The following TRPM3 variants were observed in gnomAD, a reference collection of about 807,000 sequenced individuals.
TRPM3 encodes long transient receptor potential channel 3.
Under a neutral mutation model 181.2 loss-of-function variants are expected in TRPM3, and 77 were observed. That is an observed-to-expected ratio of 0.42 (90% CI 0.35 to 0.51). TRPM3 has a LOEUF of 0.51. TRPM3 is among the 20% of genes least tolerant of loss of function. TRPM3 has a pLI of 0.01. For missense variants in TRPM3, 1,759 were observed against 2,196.7 expected, an observed-to-expected ratio of 0.80 and a Z score of 3.98; for synonymous variants, 745 against 796.4, an observed-to-expected ratio of 0.94 and a Z score of 1.09.
At chr9:71,420,647 A>AAC (rs2093716373) in intron 1 of TRPM3, among the ~76,000 whole-genome samples, 1 of 100,414 alleles carries the variant, frequency 1.0e-5, no homozygotes, top group African/African-American at 2.9e-5. Context: ...AAGAGAGAGA[A>AAC]AGAGAAAGAA....
chr9:70,861,640 A>AATCCC (rs1165234462), intron 3 of TRPM3, among the ~76,000 whole-genome samples: 1 of 152,164 alleles, frequency 6.6e-6, no homozygotes, highest in African/African-American at 2.4e-5. Context: ...CCATACTGTG[A>AATCCC]ACAGTGACTG....
intron 1 of TRPM3, among the ~76,000 whole-genome samples, chr9:71,209,994 G>A (rs540159662): frequency 1.3e-5 from 2 of 152,096 alleles, no homozygotes; most frequent in Non-Finnish European, 2.9e-5. Context: ...GAATCCCAAG[G>A]GTACATTTCC....
chr9:71,223,483 G>A (rs2080371430), intron 1 of TRPM3, among the ~76,000 whole-genome samples: 1 of 152,218 alleles, frequency 6.6e-6, no homozygotes, highest in African/African-American at 2.4e-5. Context: ...ATTTACAACT[G>A]TGGTAGCTAC....
intron 1 of TRPM3, among the ~76,000 whole-genome samples, chr9:71,224,791 A>C (rs1385502687): frequency 6.6e-6 from 1 of 152,192 alleles, no homozygotes; most frequent in Non-Finnish European, 1.5e-5. Flanking sequence ...AAAGAAAAAA[A>C]AAAGAAAGAA....
intron 7 of TRPM3, among the ~76,000 whole-genome samples, chr9:70,780,106 T>A (rs148429172): frequency 7.9e-5 from 12 of 152,312 alleles, no homozygotes; most frequent in East Asian, 5.8e-4. Context: ...AAAGTGATTG[T>A]CTTTTAAATT....
chr9:71,341,633 T>A lies in TRPM3; in HGVS notation c.183+105020A>T, dbSNP rs2090966655. On this transcript the variant is annotated intron_variant, in intron 1 of 24. Coordinates refer to the TRPM3 transcript ENST00000357533. Reference sequence around the variant, plus strand: ...CATGAGAACTAAATTCAGTGTAGAATCCTAGATTGGATCCTGGAAAAGAAA... The same window carrying A: ...CATGAGAACTAAATTCAGTGTAGAAACCTAGATTGGATCCTGGAAAAGAAA... 2.7e-5 allele frequency among the ~76,000 whole-genome samples: 4 copies of A among 150,424 alleles called. No homozygotes were observed. The South Asian group carries it at 8.4e-4, about 31-fold the overall frequency.
chr9:71,060,874 T>C (rs1240570074), intron 1 of TRPM3, among the ~76,000 whole-genome samples: 1 of 152,102 alleles, frequency 6.6e-6, no homozygotes, highest in Non-Finnish European at 1.5e-5. Flanking sequence ...TACTTATACT[T>C]ACCTGTGAGG....
At chr9:71,214,636 A>G (rs574757024) in intron 1 of TRPM3, among the ~76,000 whole-genome samples, 2 of 152,280 alleles carry the variant, frequency 1.3e-5, no homozygotes, top group East Asian at 3.9e-4. Context: ...GCTCCTGAGT[A>G]CTGGAAGGCT....
chr9:70,913,399 C>T (rs570866710), intron 1 of TRPM3, among the ~76,000 whole-genome samples: 2 of 152,106 alleles, frequency 1.3e-5, no homozygotes, highest in African/African-American at 4.8e-5. Context: ...TGGCCAGGAT[C>T]ATTGTTCCCC....
chr9:71,423,388 T>C (rs1283194060), intron 1 of TRPM3, among the ~76,000 whole-genome samples: 1 of 152,126 alleles, frequency 6.6e-6, no homozygotes, highest in Non-Finnish European at 1.5e-5. Flanking sequence ...TAATGTGATC[T>C]GCATATGGGA....
chr9:70,555,851 A>G (rs1013989343), intron 22 of TRPM3, among the ~76,000 whole-genome samples: 1 of 152,218 alleles, frequency 6.6e-6, no homozygotes, highest in Admixed American at 6.5e-5. Flanking sequence ...ATCTCTGTGT[A>G]GACGCCAACA....
intron 1 of TRPM3, among the ~76,000 whole-genome samples, chr9:70,942,626 C>T (rs1048057034): frequency 4.6e-5 from 7 of 152,116 alleles, no homozygotes; most frequent in African/African-American, 1.7e-4. Context: ...ATATGCTTTC[C>T]GTGCCTTTTA....
chr9:70,595,532 T>G (rs1436673068), intron 21 of TRPM3, among the ~76,000 whole-genome samples: 1 of 152,204 alleles, frequency 6.6e-6, no homozygotes, highest in Non-Finnish European at 1.5e-5. Context: ...ATCAGCAGTG[T>G]CAAGGTTGAG....
At chr9:71,252,757 G>T (rs1463299906) in intron 1 of TRPM3, among the ~76,000 whole-genome samples, 2 of 151,508 alleles carry the variant, frequency 1.3e-5, no homozygotes, top group Non-Finnish European at 2.9e-5. Flanking sequence ...TTGCGGCCTC[G>T]GCCTCCTTGG....
chr9:71,006,268 GA>G (rs923203560), intron 1 of TRPM3, among the ~76,000 whole-genome samples: 15 of 151,098 alleles, frequency 9.9e-5, no homozygotes, highest in African/African-American at 3.2e-4. Flanking sequence ...GGTAAAATAG[GA>G]AAAAAAGAAG....
chr9:71,199,756 T>C (rs1201628846), intron 1 of TRPM3, among the ~76,000 whole-genome samples: 1 of 151,992 alleles, frequency 6.6e-6, no homozygotes, highest in African/African-American at 2.4e-5. Context: ...ATTTGATTCT[T>C]CTCTCTTTTC....
intron 1 of TRPM3, among the ~76,000 whole-genome samples, chr9:71,379,684 T>C (rs1156730160): frequency 1.4e-5 from 2 of 144,258 alleles, no homozygotes; most frequent in Non-Finnish European, 3.1e-5. Flanking sequence ...GAATTTTTTT[T>C]CTTTCCCAGA....
intron 1 of TRPM3, among the ~76,000 whole-genome samples, chr9:70,939,599 G>A (rs78474731): frequency 0.013 from 1,915 of 152,288 alleles, 44 homozygotes; most frequent in African/African-American, 0.043. Context: ...GATTTTGCAA[G>A]TGAAAGATTG....
intron 1 of TRPM3, among the ~76,000 whole-genome samples, chr9:71,293,540 G>C (rs1262578034): frequency 2.6e-5 from 4 of 151,424 alleles, no homozygotes. Context: ...TACGTAGAAA[G>C]TTCAAAATTT....
Sources: allele counts gnomAD v4.1 joint callset (sites outside exome capture counted in the v4.1 genomes callset), GRCh38; gene constraint gnomAD v4.1.1; transcripts MANE v1.5; gene names NCBI Gene and HGNC (gene_info 2026-07-23, HGNC 2026-07-21).